TRAK1: variants seen among roughly 807,000 people sequenced by gnomAD.
TRAK1 encodes trafficking kinesin protein 1, also known as trafficking kinesin-binding protein 1.
A neutral mutation model predicts 92.1 loss-of-function variants in TRAK1; 33 were observed. The observed-to-expected ratio is 0.36, with a 90% CI of 0.27 to 0.48. The LOEUF (loss-of-function observed/expected upper bound fraction) is 0.48. TRAK1 is among the 20% of genes least tolerant of loss of function. The pLI, the probability that TRAK1 is intolerant of heterozygous loss-of-function variation, is 0.99. For synonymous variants in TRAK1, 521 were observed against 517.3 expected, an observed-to-expected ratio of 1.01 and a Z score of -0.10; for missense variants, 1,123 against 1,257.9, an observed-to-expected ratio of 0.89 and a Z score of 1.62.
At chr3:42,170,616 GT>G (rs1423279673) in intron 2 of TRAK1, among the ~76,000 whole-genome samples, 1 of 152,128 alleles carries the variant, frequency 6.6e-6, no homozygotes, top group East Asian at 1.9e-4. Context: ...TCCCTTTGCA[GT>G]TTTTATAATG....
At chr3:42,133,900 CT>C (rs1245333381) in intron 2 of TRAK1, among the ~76,000 whole-genome samples, 2 of 152,136 alleles carry the variant, frequency 1.3e-5, no homozygotes, top group Non-Finnish European at 1.5e-5. Flanking sequence ...AGATGTAACA[CT>C]TTTTTTATAG....
At chr3:42,023,899 C>T (rs771641291) in intron 1 of TRAK1, among the ~76,000 whole-genome samples, 2 of 151,756 alleles carry the variant, frequency 1.3e-5, no homozygotes, top group Admixed American at 6.6e-5. Context: ...GGATTACAGG[C>T]GCCTGCCACC....
intron 1 of TRAK1, among the ~76,000 whole-genome samples, chr3:42,023,157 C>CAAAAAAAAA (rs371646962): frequency 8.9e-6 from 1 of 111,768 alleles, no homozygotes; most frequent in African/African-American, 3.6e-5. Context: ...GACTGCATCT[C>CAAAAAAAAA]AAAAAAAAAA....
At chr3:42,212,911 G>A (rs1002444864) in intron 14 of TRAK1, among the ~76,000 whole-genome samples, 12 of 152,134 alleles carry the variant, frequency 7.9e-5, no homozygotes, top group African/African-American at 2.9e-4. Context: ...AAAATTGACA[G>A]TCAGTTTATT....
In TRAK1 at chr3:42,123,330, T is replaced by C. The variant is rs568588538; in HGVS notation, c.92-2090T>C. ...GCCCCACAGTTACTGCCTTTCTGCCTTCCTGCCTTCCTGGCCTTGGCTCAA... is the reference window on the plus strand; with the variant it reads ...GCCCCACAGTTACTGCCTTTCTGCCCTCCTGCCTTCCTGGCCTTGGCTCAA... On this transcript the variant is annotated intron_variant, in intron 1 of 15. Coordinates refer to ENST00000327628, the MANE Select transcript of TRAK1 (RefSeq NM_001042646.3). 2.8e-4 allele frequency among the ~76,000 whole-genome samples: 43 copies of C among 152,384 alleles called. No individual in the cohort carries two copies. The East Asian group carries it at 7.7e-3, about 27-fold the overall frequency.
chr3:42,199,796 C>G lies in TRAK1; in HGVS notation c.1190+543C>G, dbSNP rs568182020. On this transcript the variant is annotated intron_variant, in intron 11 of 15. Coordinates refer to ENST00000327628, the MANE Select transcript of TRAK1 (RefSeq NM_001042646.3). ...TCCTCTTCTTCTTAGGTTTTAAAGA[C>G]AAATTGTGAACTTCCAGAAAGTCCT... Among the ~76,000 whole-genome samples the G allele has an allele frequency of 5.3e-5, 8 of 152,350 alleles. No individual in the cohort carries two copies. In the East Asian group the frequency reaches 1.4e-3, roughly 26 times the overall value.
chr3:42,208,014 G>C (rs1034494238), intron 13 of TRAK1, among the ~76,000 whole-genome samples: 1 of 152,174 alleles, frequency 6.6e-6, no homozygotes, highest in East Asian at 1.9e-4. Context: ...ACAACCAAAC[G>C]TGTCTCCAGA....
intron 1 of TRAK1, among the ~76,000 whole-genome samples, chr3:42,061,311 C>G (rs911998618): frequency 8.2e-6 from 1 of 121,972 alleles, no homozygotes; most frequent in African/African-American, 3.1e-5. Flanking sequence ...ATGCACACCT[C>G]CCCCACGCAC....
At chr3:42,056,011 C>T (rs75280714) in intron 1 of TRAK1, among the ~76,000 whole-genome samples, 12,816 of 152,266 alleles carry the variant, frequency 0.084, 609 homozygotes, top group Non-Finnish European at 0.11. Flanking sequence ...GGTATCAGTA[C>T]TTCATTCCTT....
At chr3:42,145,416 C>A (rs1699198690) in intron 2 of TRAK1, among the ~76,000 whole-genome samples, 1 of 149,136 alleles carries the variant, frequency 6.7e-6, no homozygotes, top group African/African-American at 2.5e-5. Context: ...AACCTAAGGT[C>A]AGAGGTTGCA....
At chr3:42,134,670 T>C (rs1697705989) in intron 2 of TRAK1, among the ~76,000 whole-genome samples, 1 of 146,674 alleles carries the variant, frequency 6.8e-6, no homozygotes, top group African/African-American at 2.5e-5. Context: ...CACTGCAAGC[T>C]CTGCCTCCTG....
At position 42,223,740 on chromosome 3, in the gene TRAK1, AC is replaced by A. The variant is rs1306214985; in HGVS notation, c.*4del. The A allele has an allele frequency of 2.1e-5, 33 of 1,597,372 alleles. No individual in the cohort carries two copies. Among genetic ancestry groups the A allele is most frequent in the Non-Finnish European group, 2.6e-5 (30 of 1,167,678 alleles). On this transcript the variant is annotated 3_prime_UTR_variant, in exon 16 of 16. Coordinates refer to ENST00000327628, the MANE Select transcript of TRAK1 (RefSeq NM_001042646.3). The surrounding 1 kb of genome is among the most constrained non-coding windows in gnomAD (Gnocchi z 6.1). Reference sequence around the variant, plus strand: ...CCAAACAAACTAGCTTACGGTGAGGACTGGAGGGGGGCCGGTTGCCCTAGAG... The same window carrying A: ...CCAAACAAACTAGCTTACGGTGAGGATGGAGGGGGGCCGGTTGCCCTAGAG...
chr3:42,171,972 C>A (rs112266874), intron 2 of TRAK1, among the ~76,000 whole-genome samples: 1 of 152,200 alleles, frequency 6.6e-6, no homozygotes, highest in Admixed American at 6.5e-5. Context: ...CTCCATCCCC[C>A]CTCTCCGTCC....
chr3:42,173,897 T>C (rs1440699423), intron 2 of TRAK1, among the ~76,000 whole-genome samples: 1 of 152,180 alleles, frequency 6.6e-6, no homozygotes, highest in African/African-American at 2.4e-5. Context: ...CGAGAGTCTG[T>C]TATTTTGACA....
Position 42,223,660 on chromosome 3 carries a change from C to A in TRAK1, c.2785C>A (p.Gln929Lys). The A allele has an allele frequency of 9.3e-6, 15 of 1,614,138 alleles. No individual in the cohort carries two copies. The highest frequency in any genetic ancestry group is 1.3e-5 in the Non-Finnish European group (15 of 1,180,014). The change falls in exon 16 of 16, where the codon CAG (glutamine) becomes AAG (lysine). Residue 929 changes from glutamine (Q) to lysine (K), a missense_variant. Physicochemically the swap from Gln to Lys is moderately conservative, Grantham distance 53 (BLOSUM62 1). Transcript: ENST00000327628. The surrounding 1 kb of genome is among the most constrained non-coding windows in gnomAD (Gnocchi z 6.1). ...SFPTMVGSSM[Q>K]MKAPVTLTSG... ...CCCCACCATGGTGGGATCTAGCATG[C>A]AGATGAAAGCTCCTGTGACTCTCAC...
intron 1 of TRAK1, among the ~76,000 whole-genome samples, chr3:42,080,368 A>T (rs1416979450): frequency 1.3e-5 from 2 of 152,090 alleles, no homozygotes; most frequent in African/African-American, 2.4e-5. Flanking sequence ...TTATCCTACT[A>T]CTATTCCTGG....
At position 42,200,940 on chromosome 3, in the gene TRAK1, T is replaced by C. The variant is rs1472725042; in HGVS notation, c.1313T>C (p.Leu438Pro). The C allele has an allele frequency of 1.2e-6, 2 of 1,614,064 alleles. No individual in the cohort carries two copies. Among genetic ancestry groups the C allele is most frequent in the African/African-American group, 1.3e-5 (1 of 74,918 alleles). Reference sequence around the variant, plus strand: ...CAGTCCTCGGCCATGAACTCCCTCCTGTCCAGCTGCGTCAGCACCCCCCGG... The same window carrying C: ...CAGTCCTCGGCCATGAACTCCCTCCCGTCCAGCTGCGTCAGCACCCCCCGG... ...SNQSSAMNSL[L>P]SSCVSTPRSS... is the part of the protein sequence containing the mutation. Residue 438 changes from leucine (L) to proline (P), a missense_variant, in exon 12 of 16, where the codon CTG becomes CCG. Transcript: ENST00000327628.
chr3:42,056,876 T>C (rs1428806696), intron 1 of TRAK1, among the ~76,000 whole-genome samples: 1 of 152,254 alleles, frequency 6.6e-6, no homozygotes, highest in Non-Finnish European at 1.5e-5. Context: ...TCAACATTTC[T>C]ATTTCCAATA....
chr3:42,179,652 C>T (rs909648474), intron 3 of TRAK1, among the ~76,000 whole-genome samples: 3 of 152,070 alleles, frequency 2.0e-5, no homozygotes, highest in Non-Finnish European at 4.4e-5. Flanking sequence ...TCAGTCAGTG[C>T]AAGAGTTCAT....
Sources: gnomAD v4.1 joint callset for allele counts (sites outside exome capture counted in the v4.1 genomes callset) on GRCh38, gnomAD v4.1.1 for gene constraint, Gnocchi (gnomAD v3.1) non-coding constraint, MANE v1.5 for transcripts, NCBI Gene and HGNC (gene_info 2026-07-23, HGNC 2026-07-21) for gene names.